The following PEAK1 variants were observed in gnomAD, a reference collection of about 807,000 sequenced individuals.
The protein encoded by PEAK1 is inactive tyrosine-protein kinase PEAK1.
Under a neutral mutation model 124.7 loss-of-function variants are expected in PEAK1, and 54 were observed. The observed-to-expected ratio is 0.43, with a 90% CI of 0.35 to 0.54. The LOEUF is 0.54. Among genes scored for constraint, PEAK1 ranks in the 20% least tolerant of loss-of-function variants. The pLI is 0.01. For missense variants in PEAK1, 2,046 were observed against 2,134.5 expected, an observed-to-expected ratio of 0.96 and a Z score of 0.82; for synonymous variants, 719 against 760.0, an observed-to-expected ratio of 0.95 and a Z score of 0.89.
intron 1 of PEAK1, among the ~76,000 whole-genome samples, chr15:77,394,718 C>T (rs1454758355): frequency 2.0e-5 from 3 of 152,224 alleles, no homozygotes; most frequent in African/African-American, 7.2e-5. Context: ...ATACCTAACA[C>T]TTCAATGACC....
chr15:77,305,652 A>G (rs2064059415), intron 2 of PEAK1, among the ~76,000 whole-genome samples: 2 of 152,186 alleles, frequency 1.3e-5, no homozygotes, highest in South Asian at 4.1e-4. Flanking sequence ...GGAGAACAGT[A>G]CAGTCTCCGT....
At chr15:77,170,438 A>G (rs1404057323) in intron 7 of PEAK1, among the ~76,000 whole-genome samples, 1 of 152,180 alleles carries the variant, frequency 6.6e-6, no homozygotes, top group African/African-American at 2.4e-5. Flanking sequence ...GAATAAGAGG[A>G]TAAGATTAAG....
intron 2 of PEAK1, chr15:77,335,556 T>C (rs998401112): frequency 4.8e-5 from 44 of 920,684 alleles, no homozygotes; most frequent in Non-Finnish European, 5.7e-5. Flanking sequence ...CATAGCTCAC[T>C]GCAGCCATGA....
chr15:77,239,864 C>T, intron 6 of PEAK1: 1 of 984,678 alleles, frequency 1.0e-6, no homozygotes, highest in Non-Finnish European at 1.2e-6. Context: ...CTCAATTCCA[C>T]ATTTCCAAAT....
chr15:77,322,247 A>C (rs1015313615), intron 2 of PEAK1, among the ~76,000 whole-genome samples: 1 of 152,200 alleles, frequency 6.6e-6, no homozygotes, highest in African/African-American at 2.4e-5. Context: ...ACACATTCAA[A>C]AGCTAGCAGA....
At chr15:77,197,017 A>ATTT (rs35205531) in intron 6 of PEAK1, among the ~76,000 whole-genome samples, 6 of 141,632 alleles carry the variant, frequency 4.2e-5, no homozygotes, top group African/African-American at 1.3e-4. Context: ...TGCCTGGCTA[A>ATTT]TTTTTTTTTT....
intron 1 of PEAK1, among the ~76,000 whole-genome samples, chr15:77,391,476 CAAAAAAAAAAAA>C (rs536286745): frequency 3.0e-3 from 208 of 68,304 alleles, no homozygotes; most frequent in Middle Eastern, 0.016. Flanking sequence ...TAACTCATGG[CAAAAAAAAAAAA>C]AAAAAAAAAA....
At chr15:77,269,173 C>T (rs1018312429) in intron 5 of PEAK1, among the ~76,000 whole-genome samples, 1 of 151,132 alleles carries the variant, frequency 6.6e-6, no homozygotes, top group African/African-American at 2.4e-5. Flanking sequence ...TATCTCAATA[C>T]TAATGTTGAA....
At chr15:77,269,339 T>C (rs1268833144) in intron 5 of PEAK1, among the ~76,000 whole-genome samples, 3 of 152,002 alleles carry the variant, frequency 2.0e-5, no homozygotes, top group African/African-American at 7.3e-5. Context: ...TCCATGCAAA[T>C]GGGCACCAGA....
intron 1 of PEAK1, among the ~76,000 whole-genome samples, chr15:77,379,817 T>C (rs2069329089): frequency 6.6e-6 from 1 of 152,188 alleles, no homozygotes; most frequent in Non-Finnish European, 1.5e-5. Flanking sequence ...AAATGCTGTT[T>C]CACTAGAATG....
At chr15:77,278,873 C>T (rs2062494757) in intron 5 of PEAK1, 1 of 288,704 alleles carries the variant, frequency 3.5e-6, no homozygotes, top group Middle Eastern at 1.4e-3. Flanking sequence ...CACTCTATCG[C>T]CCAGGCTGGA....
intron 6 of PEAK1, among the ~76,000 whole-genome samples, chr15:77,215,267 C>A (rs1354979220): frequency 6.6e-6 from 1 of 152,124 alleles, no homozygotes; most frequent in African/African-American, 2.4e-5. Context: ...TGTAAAACTT[C>A]ATGTATTCTA....
At chr15:77,302,009 C>T (rs1465570692) in intron 2 of PEAK1, among the ~76,000 whole-genome samples, 1 of 152,152 alleles carries the variant, frequency 6.6e-6, no homozygotes, top group Non-Finnish European at 1.5e-5. Context: ...TCAGTTGGCT[C>T]CTGTGTCCCC....
chr15:77,415,220 C>T (rs1213703287), intron 1 of PEAK1, among the ~76,000 whole-genome samples: 1 of 152,152 alleles, frequency 6.6e-6, no homozygotes, highest in Admixed American at 6.5e-5. Context: ...ACTAACAATC[C>T]TTCTTCAGTT....
chr15:77,104,894 G>A (rs2050731300), downstream of PEAK1: 1 of 152,182 alleles, frequency 6.6e-6, no homozygotes, highest in Non-Finnish European at 1.5e-5. Context: ...TAGTTCATGG[G>A]AAAGCACCCC....
chr15:77,102,635 A>T (rs2050705544), exon 7 of PEAK1: 1 of 151,704 alleles, frequency 6.6e-6, no homozygotes, highest in South Asian at 2.1e-4. Flanking sequence ...ACATTGGATA[A>T]ACTTCCTTCC....
chr15:77,400,478 TA>T (rs2071278216), intron 1 of PEAK1, among the ~76,000 whole-genome samples: 2 of 151,898 alleles, frequency 1.3e-5, no homozygotes, highest in Non-Finnish European at 2.9e-5. Flanking sequence ...TATACAGCCA[TA>T]AAAAAGAATG....
At position 77,158,616 on chromosome 15, in the gene PEAK1, C is replaced by T. The variant is rs755934536; in HGVS notation, c.3218G>A (p.Cys1073Tyr). ...GGACAATGCTGTTGTGACTGAAGTG[C>T]AGCCCCTGCCATCTTGCTTCCCAAC... ...TVVGKQDGRG[C>Y]TSVTTALSLP... The change falls in exon 8 of 10, where the codon TGC becomes TAC. Residue 1073 changes from cysteine to tyrosine, a missense_variant. Coordinates refer to ENST00000682557, the MANE Select transcript of PEAK1 (RefSeq NM_001385026.1). 1.2e-6 allele frequency: 2 copies of T among 1,614,104 alleles called. No individual in the cohort carries two copies. Among genetic ancestry groups the T allele is most frequent in the Non-Finnish European group, 1.7e-6 (2 of 1,179,956 alleles).
chr15:77,265,676 A>G (rs1359578697), intron 5 of PEAK1, among the ~76,000 whole-genome samples: 6 of 151,336 alleles, frequency 4.0e-5, no homozygotes, highest in Admixed American at 2.6e-4. Flanking sequence ...AACTAGTTCA[A>G]CCATTGTGGA....
Sources: gnomAD v4.1 joint callset for allele counts (sites outside exome capture counted in the v4.1 genomes callset) on GRCh38, gnomAD v4.1.1 for gene constraint, MANE v1.5 for transcripts, NCBI Gene and HGNC (gene_info 2026-07-23, HGNC 2026-07-21) for gene names.